Variants in AGAP1 observed in about 807,000 individuals in gnomAD.
AGAP1 encodes ArfGAP with GTPase domain, ankyrin repeat and PH domain 1.
In AGAP1, 29 loss-of-function variants were observed where a neutral mutation model predicts 105.3. The ratio of observed to expected loss-of-function variants is 0.28; its 90% CI spans 0.21 to 0.38. The LOEUF is 0.38. Ranked by LOEUF, AGAP1 falls within the 10% of genes least tolerant of loss-of-function variation. AGAP1 has a pLI of 1.00. For synonymous variants in AGAP1, 509 were observed against 485.9 expected (o/e 1.05, Z -0.63); for missense variants, 998 against 1,165.1 (o/e 0.86, Z 2.09).
intron 6 of AGAP1, among the ~76,000 whole-genome samples, chr2:235,780,648 A>AT (rs1348146994): frequency 1.3e-5 from 2 of 152,232 alleles, no homozygotes; most frequent in Non-Finnish European, 2.9e-5. Context: ...GTCCTTGGTG[A>AT]TTGATAGGAT....
intron 1 of AGAP1, among the ~76,000 whole-genome samples, chr2:235,607,991 G>A (rs1946002554): frequency 6.6e-6 from 1 of 152,228 alleles, no homozygotes; most frequent in Non-Finnish European, 1.5e-5. Context: ...TGCCTCAAGT[G>A]AGCGAGTGCC....
At chr2:235,815,859 A>C (rs1227428427) in intron 9 of AGAP1, among the ~76,000 whole-genome samples, 1 of 152,174 alleles carries the variant, frequency 6.6e-6, no homozygotes, top group Non-Finnish European at 1.5e-5. Context: ...CACTCTGTGC[A>C]GTGCGTTTTA....
chr2:235,928,398 G>A (rs2052557308), intron 11 of AGAP1, among the ~76,000 whole-genome samples: 1 of 152,172 alleles, frequency 6.6e-6, no homozygotes, highest in Admixed American at 6.5e-5. Flanking sequence ...GACAACCCAT[G>A]GGCCCCAAGG....
intron 9 of AGAP1, among the ~76,000 whole-genome samples, chr2:235,859,406 C>CCCCCGG (rs2048830616): frequency 1.8e-5 from 1 of 54,464 alleles, no homozygotes; most frequent in African/African-American, 3.8e-5. Flanking sequence ...CCCCCCCCCC[C>CCCCCGG]CGCCTTTTGT....
At chr2:235,767,777 C>CTTTTTTTTTTTTT (rs71414307) in intron 6 of AGAP1, among the ~76,000 whole-genome samples, 2 of 62,046 alleles carry the variant, frequency 3.2e-5, no homozygotes, top group Non-Finnish European at 5.6e-5. Context: ...AGTTTCTTGT[C>CTTTTTTTTTTTTT]TTTTTTTTTT....
In AGAP1 at chr2:235,992,363, A is replaced by G. The variant is rs558192479; in HGVS notation, c.1645+23740A>G. On this transcript the variant is annotated intron_variant, in intron 13 of 17. Transcript: ENST00000304032. This position sits in a 1 kb window ranked among gnomAD's most constrained non-coding sequence, Gnocchi z 4.8. The stretch of plus-strand genomic sequence containing the variant: ...TAAAATGGGAACGATCAGGTTGTCT[A>G]CCTCCAAGACTGTTGTCAGGATTCA... Among the ~76,000 whole-genome samples the G allele has an allele frequency of 3.3e-5, 5 of 152,158 alleles. No individual in the cohort carries two copies. Among genetic ancestry groups the G allele is most frequent in the African/African-American group, 9.6e-5 (4 of 41,528 alleles).
intron 1 of AGAP1, among the ~76,000 whole-genome samples, chr2:235,686,556 T>TATACACACAC (rs550721460): frequency 9.0e-4 from 92 of 101,858 alleles, no homozygotes; most frequent in African/African-American, 3.6e-3. Context: ...GATATATATA[T>TATACACACAC]ACACACACAC....
intron 9 of AGAP1, among the ~76,000 whole-genome samples, chr2:235,813,566 G>A (rs1958279124): frequency 1.3e-5 from 2 of 152,218 alleles, no homozygotes; most frequent in African/African-American, 2.4e-5. Context: ...GACCCCTAGG[G>A]GGGCGGGCAG....
chr2:235,566,943 G>A lies in AGAP1; in HGVS notation c.163+72094G>A, dbSNP rs528142355. Among the ~76,000 whole-genome samples the A allele has an allele frequency of 6.6e-6, 1 of 152,320 alleles. No individual in the cohort carries two copies. The highest frequency in any genetic ancestry group is 1.5e-5 in the Non-Finnish European group (1 of 68,036). On this transcript the variant is annotated intron_variant, in intron 1 of 17. Transcript: ENST00000304032. The surrounding 1 kb of genome is among the most constrained non-coding windows in gnomAD (Gnocchi z 5.2). ...CTCCTAGCCTTTTCCGGCCTCTGGT[G>A]GCCCCTGGCAATCCTTGGTGTCCCA...
chr2:236,006,512 A>G (rs1374713402), intron 13 of AGAP1, among the ~76,000 whole-genome samples: 6 of 152,228 alleles, frequency 3.9e-5, no homozygotes, highest in African/African-American at 1.2e-4. Context: ...ATCTGTATCT[A>G]TATTTAACAG....
At chr2:235,947,006 C>T (rs754594681) in intron 12 of AGAP1, among the ~76,000 whole-genome samples, 1 of 152,190 alleles carries the variant, frequency 6.6e-6, no homozygotes, top group Non-Finnish European at 1.5e-5. Flanking sequence ...TCTACTCCTT[C>T]CTTTCCTTTT....
At chr2:235,912,019 C>T (rs1451826882) in intron 11 of AGAP1, among the ~76,000 whole-genome samples, 3 of 152,286 alleles carry the variant, frequency 2.0e-5, no homozygotes, top group East Asian at 1.9e-4. Context: ...TGGTGTGCGG[C>T]AGGAGGGCGC....
chr2:235,954,970 C>T (rs192364192), intron 12 of AGAP1, among the ~76,000 whole-genome samples: 1 of 152,094 alleles, frequency 6.6e-6, no homozygotes, highest in African/African-American at 2.4e-5. Context: ...CTTGGTTTGG[C>T]GTGGAGGGTA....
At chr2:235,898,472 T>TCCCCCCC (rs34001914) in intron 10 of AGAP1, among the ~76,000 whole-genome samples, 295 of 121,398 alleles carry the variant, frequency 2.4e-3, no homozygotes, top group Non-Finnish European at 3.0e-3. Flanking sequence ...GAGGACAGGT[T>TCCCCCCC]CCCCCCCCCA....
At position 235,997,109 on chromosome 2, in the gene AGAP1, T is replaced by TA. The variant is rs574628517; in HGVS notation, c.1645+28487dup. Among the ~76,000 whole-genome samples, 355 of 152,326 alleles carry TA rather than the reference T, an allele frequency of 2.3e-3. 2 individuals carry two copies. The highest frequency in any genetic ancestry group is 7.8e-3 in the African/African-American group (326 of 41,576). ...TGAAGATCTTTTTTGTTGTTGTTGT[T>TA]ACGGAGTTTCACTCTTGTTGCCCAG... On this transcript the variant is annotated intron_variant, in intron 13 of 17. Coordinates refer to ENST00000304032, the MANE Select transcript of AGAP1 (RefSeq NM_001037131.3).
At chr2:236,110,676 G>T (rs1209292112) in intron 16 of AGAP1, among the ~76,000 whole-genome samples, 1 of 152,170 alleles carries the variant, frequency 6.6e-6, no homozygotes, top group African/African-American at 2.4e-5. Context: ...TTGTCTAATA[G>T]TGACTCTACA....
intron 2 of AGAP1, among the ~76,000 whole-genome samples, chr2:235,717,335 C>A (rs551145387): frequency 2.6e-5 from 4 of 152,188 alleles, no homozygotes; most frequent in African/African-American, 9.7e-5. Context: ...TTGCTGATGC[C>A]GTTGCAGCTG....
intron 8 of AGAP1, among the ~76,000 whole-genome samples, chr2:235,805,893 G>C (rs1360720740): frequency 6.6e-6 from 1 of 152,202 alleles, no homozygotes; most frequent in Admixed American, 6.5e-5. Context: ...CACGTAGTAG[G>C]TGTTCAATAA....
At position 235,888,016 on chromosome 2, in the gene AGAP1, C is replaced by T. The variant is rs1024858842; in HGVS notation, c.1155+4567C>T. On this transcript the variant is annotated intron_variant, in intron 10 of 17. Transcript: ENST00000304032. The surrounding 1 kb of genome is among the most constrained non-coding windows in gnomAD (Gnocchi z 4.8). ...CCGGCACAGACATTTATCTTCTGTCCACGTGTGTGCCGCTCACAGTCCACG... is the reference window on the plus strand; with the variant it reads ...CCGGCACAGACATTTATCTTCTGTCTACGTGTGTGCCGCTCACAGTCCACG... Among the ~76,000 whole-genome samples, 1 of 152,122 alleles carries T rather than the reference C, an allele frequency of 6.6e-6. No individual in the cohort carries two copies. Among genetic ancestry groups the T allele is most frequent in the African/African-American group, 2.4e-5 (1 of 41,426 alleles).
Sources: allele counts gnomAD v4.1 joint callset (sites outside exome capture counted in the v4.1 genomes callset), GRCh38; gene constraint gnomAD v4.1.1; non-coding constraint Gnocchi (gnomAD v3.1); transcripts MANE v1.5; gene names NCBI Gene and HGNC (gene_info 2026-07-23, HGNC 2026-07-21).